The following DAB1 variants were observed in gnomAD, a reference collection of about 807,000 sequenced individuals.
DAB1 encodes the protein disabled homolog 1.
DAB1 carries 15 observed loss-of-function variants against 64.6 expected under a neutral mutation model. The observed-to-expected ratio is 0.23, with a 90% CI of 0.16 to 0.36. The LOEUF is 0.36. Ranked by LOEUF, DAB1 falls within the 10% of genes least tolerant of loss-of-function variation. The pLI, the probability that DAB1 is intolerant of heterozygous loss-of-function variation, is 1.00. For synonymous variants in DAB1, 235 were observed against 251.9 expected (o/e 0.93, Z 0.64); for missense variants, 596 against 706.7 (o/e 0.84, Z 1.78).
intron 2 of DAB1, among the ~76,000 whole-genome samples, chr1:57,186,951 T>C (rs1425139574): frequency 6.6e-6 from 1 of 152,208 alleles, no homozygotes; most frequent in Admixed American, 6.5e-5. Flanking sequence ...ATTTTGTCAA[T>C]TTTTGTCATT....
At chr1:58,499,781 TTAGTTAAAG>T (rs1194614257) in intron 3 of DAB1, among the ~76,000 whole-genome samples, 1 of 118,962 alleles carries the variant, frequency 8.4e-6, no homozygotes, top group African/African-American at 3.6e-5. Context: ...ATTTTAAAAA[TTAGTTAAAG>T]TAAATAAAAA....
intron 6 of DAB1, among the ~76,000 whole-genome samples, chr1:57,808,197 GCACACACA>G (rs3081057): frequency 6.7e-6 from 1 of 148,186 alleles, no homozygotes; most frequent in Admixed American, 6.8e-5. Context: ...ACATGCACAT[GCACACACA>G]CACACACACA....
At chr1:57,811,911 G>C (rs1462191739) in intron 6 of DAB1, among the ~76,000 whole-genome samples, 1 of 152,168 alleles carries the variant, frequency 6.6e-6, no homozygotes, top group Admixed American at 6.5e-5. Flanking sequence ...AGGGCCTAGT[G>C]AGGAGCTTAG....
In DAB1 at chr1:57,217,593, G is replaced by A. The variant is rs10489467; in HGVS notation, c.68-72164C>T. Among the ~76,000 whole-genome samples, 22 of 152,146 alleles carry A rather than the reference G, an allele frequency of 1.4e-4. 1 individual carries two copies. Among genetic ancestry groups the A allele is most frequent in the African/African-American group, 4.3e-4 (18 of 41,490 alleles). ...AAAAAGTCCATGTAAATGGAGCAAG[G>A]TGACCAAAATCTCAAGAGTTATTTG... On this transcript the variant is annotated intron_variant, in intron 2 of 14. Transcript: ENST00000371236.
At chr1:57,126,893 G>A (rs1174689074) in intron 4 of DAB1, among the ~76,000 whole-genome samples, 2 of 152,056 alleles carry the variant, frequency 1.3e-5, no homozygotes. Context: ...ACTAAAAGAC[G>A]AATTTCACTA....
intron 6 of DAB1, among the ~76,000 whole-genome samples, chr1:57,808,773 A>G (rs899972182): frequency 6.6e-6 from 1 of 152,186 alleles, no homozygotes; most frequent in African/African-American, 2.4e-5. Flanking sequence ...ATCTCATTTG[A>G]TTCTACTCCA....
At chr1:57,349,332 T>C (rs1335763627) in intron 1 of DAB1, among the ~76,000 whole-genome samples, 3 of 152,178 alleles carry the variant, frequency 2.0e-5, no homozygotes, top group African/African-American at 7.2e-5. Context: ...GCCCACTGTA[T>C]TCTGGGTAAG....
intron 5 of DAB1, among the ~76,000 whole-genome samples, chr1:58,004,183 T>A (rs1258139093): frequency 6.6e-6 from 1 of 152,186 alleles, no homozygotes; most frequent in Non-Finnish European, 1.5e-5. Context: ...CTTACACTCT[T>A]ACATTTATTC....
At chr1:57,809,095 T>A (rs1226645894) in intron 6 of DAB1, among the ~76,000 whole-genome samples, 1 of 152,226 alleles carries the variant, frequency 6.6e-6, no homozygotes, top group Non-Finnish European at 1.5e-5. Context: ...GCCCTCATAT[T>A]TCATAACTGT....
At position 57,484,802 on chromosome 1, in the gene DAB1, T is replaced by TGA. The variant is rs751788721; in HGVS notation, n.625+164788_625+164789dup. 1.9e-4 allele frequency among the ~76,000 whole-genome samples: 29 copies of TGA among 151,124 alleles called. No homozygotes were observed. The East Asian group carries it at 5.2e-3, about 27-fold the overall frequency. Reference sequence around the variant, plus strand: ...TGTAATTCCAAGTTTTATTTGAGAATGAGAGAGAGAGAGAGAAAGAGAATA... The same window carrying TGA: ...TGTAATTCCAAGTTTTATTTGAGAATGAGAGAGAGAGAGAGAGAAAGAGAATA... On this transcript the variant is annotated intron_variant and non_coding_transcript_variant, in intron 7 of 20. Transcript: ENST00000485760.
chr1:58,364,038 C>G (rs536384711), intron 3 of DAB1, among the ~76,000 whole-genome samples: 1 of 152,320 alleles, frequency 6.6e-6, no homozygotes, highest in South Asian at 2.1e-4. Flanking sequence ...CACTTTATGA[C>G]CCAGGCAGAC....
At chr1:57,748,890 C>T (rs763115502) in intron 6 of DAB1, among the ~76,000 whole-genome samples, 3 of 152,162 alleles carry the variant, frequency 2.0e-5, no homozygotes, top group Admixed American at 6.5e-5. Context: ...TCAAGCCATG[C>T]GTACGATGAA....
intron 2 of DAB1, among the ~76,000 whole-genome samples, chr1:57,254,460 A>G (rs1442630965): frequency 6.6e-6 from 1 of 152,244 alleles, no homozygotes; most frequent in Non-Finnish European, 1.5e-5. Context: ...TGCCTTTATC[A>G]CATCAGAAAT....
At chr1:57,006,146 T>C (rs1456843886) in intron 14 of DAB1, among the ~76,000 whole-genome samples, 1 of 152,186 alleles carries the variant, frequency 6.6e-6, no homozygotes, top group Non-Finnish European at 1.5e-5. Context: ...ACAGAGAGTT[T>C]GGCAACTTCT....
intron 9 of DAB1, among the ~76,000 whole-genome samples, chr1:57,053,689 T>TATATATATATATA (rs68039540): frequency 6.0e-5 from 2 of 33,306 alleles, no homozygotes; most frequent in African/African-American, 1.0e-4. Flanking sequence ...TATATATATA[T>TATATATATATATA]TTTTTTTTTT....
At chr1:58,184,546 A>G (rs1413643445) in intron 4 of DAB1, among the ~76,000 whole-genome samples, 1 of 152,160 alleles carries the variant, frequency 6.6e-6, no homozygotes, top group African/African-American at 2.4e-5. Context: ...ATCCAAATAC[A>G]TGGAAAAGCT....
intron 6 of DAB1, among the ~76,000 whole-genome samples, chr1:57,797,535 A>C: frequency 6.6e-6 from 1 of 152,332 alleles, no homozygotes. Flanking sequence ...TAGCTGGAAA[A>C]CTCAAAGCAT....
At chr1:57,549,275 G>A (rs900366408) in intron 7 of DAB1, among the ~76,000 whole-genome samples, 2 of 152,096 alleles carry the variant, frequency 1.3e-5, no homozygotes, top group African/African-American at 4.8e-5. Context: ...GGCAGGAAAT[G>A]GTATTAGTTT....
intron 3 of DAB1, among the ~76,000 whole-genome samples, chr1:58,387,717 C>CTT (rs57961202): frequency 1.2e-3 from 125 of 102,784 alleles, no homozygotes; most frequent in Middle Eastern, 5.2e-3. Context: ...TTTTTCTTTT[C>CTT]TTTTCTTTTT....
Sources: allele counts gnomAD v4.1 joint callset (sites outside exome capture counted in the v4.1 genomes callset), GRCh38; gene constraint gnomAD v4.1.1; transcripts MANE v1.5; gene names NCBI Gene and HGNC (gene_info 2026-07-23, HGNC 2026-07-21).